LDLRAD3: variants seen among roughly 807,000 people sequenced by gnomAD.
LDLRAD3 encodes low density lipoprotein receptor class A domain containing 3.
LDLRAD3 carries 20 observed loss-of-function variants against 29.4 expected under a neutral mutation model. The observed-to-expected ratio is 0.68, with a 90% CI of 0.48 to 0.99. LDLRAD3 has a LOEUF of 0.99. Ranked by LOEUF, LDLRAD3 falls within the 50% of genes least tolerant of loss-of-function variation. The pLI is 0.00. For missense variants in LDLRAD3, 420 were observed against 454.3 expected, an observed-to-expected ratio of 0.92 and a Z score of 0.69; for synonymous variants, 157 against 192.7, an observed-to-expected ratio of 0.81 and a Z score of 1.53.
chr11:36,180,392 G>A (rs948707676), intron 4 of LDLRAD3, among the ~76,000 whole-genome samples: 4 of 152,128 alleles, frequency 2.6e-5, no homozygotes, highest in Non-Finnish European at 5.9e-5. Context: ...GAGACTGGTT[G>A]TACAGCAGTG....
At chr11:36,032,962 C>A (rs1852254101) in intron 1 of LDLRAD3, among the ~76,000 whole-genome samples, 1 of 151,848 alleles carries the variant, frequency 6.6e-6, no homozygotes, top group African/African-American at 2.4e-5. Flanking sequence ...GCAACCTCTG[C>A]CTCCCGGGTT....
intron 4 of LDLRAD3, among the ~76,000 whole-genome samples, chr11:36,119,191 AC>A (rs1853717376): frequency 6.6e-6 from 1 of 152,156 alleles, no homozygotes; most frequent in Non-Finnish European, 1.5e-5. Context: ...TTCAAAGAAC[AC>A]TCTTGATTCT....
At chr11:36,211,219 G>A (rs986545012) in intron 4 of LDLRAD3, among the ~76,000 whole-genome samples, 1 of 152,140 alleles carries the variant, frequency 6.6e-6, no homozygotes, top group African/African-American at 2.4e-5. Context: ...GAATGGCTGT[G>A]TACCAATAAA....
chr11:36,078,858 G>GT (rs1391351535), intron 2 of LDLRAD3, among the ~76,000 whole-genome samples: 1 of 152,176 alleles, frequency 6.6e-6, no homozygotes, highest in African/African-American at 2.4e-5. Flanking sequence ...GGTGCAGGTG[G>GT]TACGGCAGCC....
At chr11:36,121,564 G>T (rs1415690101) in intron 4 of LDLRAD3, among the ~76,000 whole-genome samples, 2 of 152,214 alleles carry the variant, frequency 1.3e-5, no homozygotes, top group African/African-American at 4.8e-5. Flanking sequence ...TGCGCCATGA[G>T]TATCAAATTA....
chr11:35,975,578 G>A (rs909437144), intron 1 of LDLRAD3, among the ~76,000 whole-genome samples: 3 of 152,174 alleles, frequency 2.0e-5, no homozygotes, highest in African/African-American at 7.2e-5. Context: ...AGTCATTATA[G>A]ATTGATTGAC....
chr11:36,117,674 G>A (rs1853694025), intron 4 of LDLRAD3, among the ~76,000 whole-genome samples: 1 of 152,234 alleles, frequency 6.6e-6, no homozygotes, highest in Non-Finnish European at 1.5e-5. Flanking sequence ...TGGGCAGTGT[G>A]ACAGCCGTGG....
chr11:36,203,119 T>G (rs371948937), intron 4 of LDLRAD3, among the ~76,000 whole-genome samples: 1 of 151,532 alleles, frequency 6.6e-6, no homozygotes, highest in African/African-American at 2.4e-5. Flanking sequence ...AAATTTTTTA[T>G]AGAGACAGTG....
rs145708485 is a variant in LDLRAD3, at chr11:36,182,205, G to A, written c.455-44880G>A. Among the ~76,000 whole-genome samples, 18 of 152,266 alleles carry A rather than the reference G, an allele frequency of 1.2e-4. No homozygotes were observed. In the East Asian group the frequency reaches 1.4e-3, roughly 11 times the overall value. On this transcript the variant is annotated intron_variant, in intron 4 of 5. Transcript: ENST00000315571. ...TCAGCTTTAAATAGGAGGTGACTCC[G>A]CATTCCTCTTGCTTGGAAATGATCC...
intron 3 of LDLRAD3, among the ~76,000 whole-genome samples, chr11:36,091,450 A>G (rs1995223): frequency 0.071 from 10,729 of 152,148 alleles, 555 homozygotes; most frequent in South Asian, 0.2. Flanking sequence ...CTGCCAGTTT[A>G]ATTAACCACT....
chr11:35,966,932 G>A (rs1045348454), intron 1 of LDLRAD3: 2 of 154,466 alleles, frequency 1.3e-5, no homozygotes, highest in Admixed American at 6.5e-5. Flanking sequence ...TATGTACAGC[G>A]AATCCCTGGG....
intron 1 of LDLRAD3, among the ~76,000 whole-genome samples, chr11:35,977,119 G>T (rs1238076458): frequency 6.6e-6 from 1 of 152,128 alleles, no homozygotes; most frequent in Non-Finnish European, 1.5e-5. Context: ...AATTCAGGGT[G>T]GCATGGTGCT....
At chr11:36,130,844 G>T (rs1372682875) in intron 4 of LDLRAD3, among the ~76,000 whole-genome samples, 6 of 152,176 alleles carry the variant, frequency 3.9e-5, no homozygotes, top group African/African-American at 1.4e-4. Flanking sequence ...GCCAGCTCTG[G>T]AATCTGGAAT....
At chr11:36,194,187 T>A (rs898140430) in intron 4 of LDLRAD3, among the ~76,000 whole-genome samples, 8 of 152,154 alleles carry the variant, frequency 5.3e-5, no homozygotes, top group African/African-American at 1.9e-4. Flanking sequence ...CCCCCTGAGT[T>A]GGTATATGCT....
At chr11:36,061,439 C>T (rs1182933389) in intron 2 of LDLRAD3, among the ~76,000 whole-genome samples, 1 of 152,148 alleles carries the variant, frequency 6.6e-6, no homozygotes, top group African/African-American at 2.4e-5. Flanking sequence ...CTGTGCCTGG[C>T]CAAGCATGAA....
intron 4 of LDLRAD3, among the ~76,000 whole-genome samples, chr11:36,155,832 A>G (rs562224044): frequency 6.6e-5 from 10 of 152,204 alleles, no homozygotes; most frequent in African/African-American, 2.2e-4. Context: ...CTATCTAGAA[A>G]ATCCTCTGTT....
At chr11:36,140,992 T>TTCTTTCTC (rs1279929124) in intron 4 of LDLRAD3, among the ~76,000 whole-genome samples, 37 of 110,056 alleles carry the variant, frequency 3.4e-4, no homozygotes, top group African/African-American at 1.1e-3. Context: ...CTGTTGAGCT[T>TTCTTTCTC]TCTCTCTCTC....
chr11:36,173,172 A>G (rs1854622370), intron 4 of LDLRAD3, among the ~76,000 whole-genome samples: 1 of 151,886 alleles, frequency 6.6e-6, no homozygotes, highest in Non-Finnish European at 1.5e-5. Context: ...CACCTATAAT[A>G]TCTCCCATTT....
intron 4 of LDLRAD3, among the ~76,000 whole-genome samples, chr11:36,128,959 T>C (rs1437765876): frequency 6.6e-6 from 1 of 152,006 alleles, no homozygotes; most frequent in East Asian, 1.9e-4. Context: ...GCTACCTTTG[T>C]AGTCTACATG....
Sources: allele counts gnomAD v4.1 joint callset (sites outside exome capture counted in the v4.1 genomes callset), GRCh38; gene constraint gnomAD v4.1.1; transcripts MANE v1.5; gene names NCBI Gene and HGNC (gene_info 2026-07-23, HGNC 2026-07-21).